The following HEPH variants were observed in gnomAD, a reference collection of about 807,000 sequenced individuals.
The protein encoded by HEPH is hephaestin.
HEPH carries 69 observed loss-of-function variants against 80.8 expected under a neutral mutation model. The observed-to-expected ratio is 0.85, with a 90% CI of 0.70 to 1.04. The LOEUF is 1.04. Among genes scored for constraint, HEPH ranks in the 50% least tolerant of loss-of-function variants. HEPH has a pLI of 0.00. For missense variants in HEPH, 1,115 were observed against 891.3 expected (o/e 1.25, Z -3.20); for synonymous variants, 431 against 322.8 (o/e 1.34, Z -3.60).
At position 66,164,317 on chromosome X, in the gene HEPH, A is replaced by G; in HGVS notation, c.-167A>G. ...CCCTCCCTCATCCTCCCATCCCAGT[A>G]AACCCTGCCAAATTGGAATCCTGGA... On this transcript the variant is annotated 5_prime_UTR_variant, in exon 1 of 21. Coordinates refer to ENST00000343002, the MANE Select transcript of HEPH (RefSeq NM_001367233.3). The G allele has an allele frequency of 1.3e-6, 1 of 753,488 alleles. No individual in the cohort carries two copies. Among genetic ancestry groups the G allele is most frequent in the Non-Finnish European group, 1.6e-6 (1 of 638,865 alleles). The allele number at this position is 753,488 out of a possible 1,213,427, so 62.1% of individuals were successfully genotyped here. A position where few individuals can be genotyped will look rare whatever the true frequency, so the allele number is the denominator to read the frequency against.
rs776467298 is a variant in HEPH at position 66,256,174 on chromosome X, C to T, written c.2740C>T (p.Arg914Trp). 5 of 1,209,768 alleles carry T rather than the reference C, an allele frequency of 4.1e-6. No individual in the cohort carries two copies. Among genetic ancestry groups the T allele is most frequent in the Admixed American group, 2.2e-5 (1 of 45,790 alleles). The change falls in exon 17 of 21, where the codon CGG becomes TGG. Residue 914 changes from arginine to tryptophan, a missense_variant. This residue lies in a region of HEPH where 716 missense variants were observed against 523.5 expected (regional missense o/e 1.37). Coordinates refer to ENST00000343002, the MANE Select transcript of HEPH (RefSeq NM_001367233.3). ...QKGILEPHGG[R>W]SDMDREFALL... ...GGGCATCCTGGAGCCCCATGGAGGA[C>T]GGAGTGACATGGATCGGGAATTTGC... is the stretch of plus-strand genomic sequence containing the variant.
chrX:66,244,980 A>T (rs2090746029), intron 15 of HEPH, among the ~76,000 whole-genome samples: 1 of 110,755 alleles, frequency 9.0e-6, no homozygotes, highest in Non-Finnish European at 1.9e-5. Context: ...ATTATGAAAC[A>T]TTATGTGTAG....
At chrX:66,210,343 G>A (rs1211740226) in intron 15 of HEPH, among the ~76,000 whole-genome samples, 2 of 111,918 alleles carry the variant, frequency 1.8e-5, no homozygotes, top group Non-Finnish European at 3.8e-5. Context: ...AGAGTAATCG[G>A]GAGATAAGAG....
At position 66,256,210 on chromosome X, in the gene HEPH, T is replaced by C; in HGVS notation, c.2776T>C (p.Leu926=). Residue 926 remains leucine, a synonymous_variant, in exon 17 of 21, where the codon TTG becomes CTG. Transcript: ENST00000343002. ...GGATCGGGAATTTGCATTGTTGTTC[T>C]TGATTTTTGATGAAAATAAGTCTTG... ...DMDREFALLF[L]IFDENKSWYL... 8.3e-7 allele frequency: 1 copy of C among 1,211,029 alleles called. No individual in the cohort carries two copies. The highest frequency in any genetic ancestry group is 2.3e-4 in the Middle Eastern group (1 of 4,347).
chrX:66,227,858 C>A (rs1374435711), intron 15 of HEPH, among the ~76,000 whole-genome samples: 2 of 111,100 alleles, frequency 1.8e-5, no homozygotes, highest in Non-Finnish European at 3.8e-5. Context: ...CTTTTTGCTT[C>A]ACCTTGCTTT....
chrX:66,173,421 C>A (rs2086672415), intron 3 of HEPH, among the ~76,000 whole-genome samples, 168 bp from the exon 4 acceptor site: 1 of 111,880 alleles, frequency 8.9e-6, no homozygotes, highest in African/African-American at 3.3e-5. Flanking sequence ...TAAATGTTAC[C>A]TAAATCTGTG....
chrX:66,172,644 A>G, intron 3 of HEPH, 45 bp downstream of exon 3: 1 of 1,094,774 alleles, frequency 9.1e-7, no homozygotes, highest in Non-Finnish European at 1.2e-6. Context: ...AACAAATATC[A>G]CTTTTCCTTT....
In HEPH at chrX:66,195,233, A is replaced by G. The variant is rs1476058979; in HGVS notation, c.1501+4A>G. Reference sequence around the variant, plus strand: ...GAAGGCACTGTGTACAATGATGGTGAGCCAACAGGGTTTCTAGTAAATGTG... The same window carrying G: ...GAAGGCACTGTGTACAATGATGGTGGGCCAACAGGGTTTCTAGTAAATGTG... On this transcript the variant is annotated splice_donor_region_variant and intron_variant, in intron 9 of 20. Transcript: ENST00000343002. 1 of 1,162,800 alleles carries G rather than the reference A, an allele frequency of 8.6e-7. No homozygotes were observed. The highest frequency in any genetic ancestry group is 2.1e-5 in the South Asian group (1 of 47,229).
intron 15 of HEPH, among the ~76,000 whole-genome samples, chrX:66,210,974 C>T (rs895200280): frequency 1.8e-5 from 2 of 110,970 alleles, no homozygotes; most frequent in African/African-American, 3.3e-5. Flanking sequence ...CATAAAACAT[C>T]GAGGTGGAAA....
intron 1 of HEPH, among the ~76,000 whole-genome samples, chrX:66,166,969 T>C (rs1422872331): frequency 1.8e-5 from 2 of 112,613 alleles, no homozygotes; most frequent in African/African-American, 6.4e-5. Flanking sequence ...GCAATAGTAA[T>C]AGCCACTAAT....
intron 15 of HEPH, among the ~76,000 whole-genome samples, chrX:66,234,813 T>C (rs897281283): frequency 7.2e-5 from 8 of 110,351 alleles, no homozygotes; most frequent in African/African-American, 2.6e-4. Context: ...TCTTTTTTGT[T>C]TTGTTTTGTA....
intron 15 of HEPH, among the ~76,000 whole-genome samples, chrX:66,254,521 G>C (rs1219595896): frequency 1.8e-5 from 2 of 110,867 alleles, no homozygotes; most frequent in Non-Finnish European, 3.8e-5. Flanking sequence ...GCATCTAATT[G>C]AATATTTGGA....
chrX:66,248,682 TG>T (rs2090902043), intron 15 of HEPH, among the ~76,000 whole-genome samples: 1 of 112,520 alleles, frequency 8.9e-6, no homozygotes, highest in Admixed American at 9.4e-5. Flanking sequence ...CAGGTTTTTC[TG>T]TAGCACTTCA....
intron 15 of HEPH, among the ~76,000 whole-genome samples, chrX:66,242,475 T>C (rs1255595848): frequency 8.9e-6 from 1 of 111,745 alleles, no homozygotes; most frequent in East Asian, 2.8e-4. Flanking sequence ...TTATGAGAAA[T>C]ACTCCAAAAT....
Position 66,203,394 on chromosome X carries a change from G to T in HEPH, c.2108G>T (p.Ser703Ile), listed in dbSNP as rs143121749. 8.3e-7 allele frequency: 1 copy of T among 1,208,153 alleles called. No homozygotes were observed. The highest frequency in any genetic ancestry group is 1.8e-5 in the African/African-American group (1 of 56,852). ...TTTGAGATTTATTGCCAGGCAGGCA[G>T]CCATCGAGAAGCAGGGATGAGGGCA... The part of the protein sequence containing the change: ...GTFEIYCQAG[S>I]HREAGMRAIY... Residue 703 changes from serine (S) to isoleucine (I), a missense_variant, in exon 13 of 21, where the codon AGC becomes ATC. Ser to Ile is a moderately radical substitution (Grantham distance 142). Coordinates refer to ENST00000343002, the MANE Select transcript of HEPH (RefSeq NM_001367233.3).
intron 4 of HEPH, among the ~76,000 whole-genome samples, chrX:66,186,464 T>G (rs1376435597): frequency 8.9e-6 from 1 of 112,225 alleles, no homozygotes; most frequent in African/African-American, 3.2e-5. Context: ...TGACCCGATT[T>G]TCCAGGTGCG....
chrX:66,170,886 G>A (rs1287642383), intron 2 of HEPH, 149 bp downstream of exon 2: 5 of 477,118 alleles, frequency 1.0e-5, no homozygotes, highest in Non-Finnish European at 1.1e-5. Context: ...CAGATTTCCT[G>A]GGAAGAAGGC....
rs1306247563 is a variant in HEPH, at chrX:66,192,223, C to T, written c.1157C>T (p.Ala386Val). The T allele has an allele frequency of 4.1e-6, 5 of 1,209,092 alleles. No homozygotes were observed. The African/African-American group carries it at 8.8e-5, about 21-fold the overall frequency. The part of the protein sequence containing the change: ...TGKVRQYFIE[A>V]HEIQWDYGPM... ...AAAGTTCGACAGTACTTCATTGAGG[C>T]CCATGAGATTCAATGGGACTATGGC... The change falls in exon 7 of 21, where the codon GCC (alanine) becomes GTC (valine). Residue 386 changes from alanine to valine, a missense_variant. Ala to Val is a moderately conservative substitution (Grantham distance 64, BLOSUM62 0). Coordinates refer to ENST00000343002, the MANE Select transcript of HEPH (RefSeq NM_001367233.3).
intron 15 of HEPH, among the ~76,000 whole-genome samples, chrX:66,225,757 T>C (rs2089858722): frequency 8.9e-6 from 1 of 112,867 alleles, no homozygotes; most frequent in Non-Finnish European, 1.9e-5. Context: ...GCAGGGATGC[T>C]CCACAGGGCA....
Sources: gnomAD v4.1 joint callset for allele counts (sites outside exome capture counted in the v4.1 genomes callset) on GRCh38, gnomAD v4.1.1 for gene constraint, gnomAD v4.1.1 regional missense constraint, MANE v1.5 for transcripts, NCBI Gene and HGNC (gene_info 2026-07-23, HGNC 2026-07-21) for gene names.